The following IQCK variants were observed in gnomAD, a reference collection of about 807,000 sequenced individuals.
IQCK encodes the protein IQ motif containing K, also known as IQ domain-containing protein K.
Under a neutral mutation model 28.1 loss-of-function variants are expected in IQCK, and 29 were observed. The ratio of observed to expected loss-of-function variants is 1.03; its 90% confidence interval spans 0.77 to 1.41. The LOEUF (loss-of-function observed/expected upper bound fraction) is 1.41, where lower values mean the gene tolerates loss of function less well. IQCK is among the 40% of genes most tolerant of loss of function. IQCK has a pLI of 0.00. For missense variants in IQCK, 359 were observed against 314.7 expected (o/e 1.14, Z -1.07); for synonymous variants, 113 against 115.1 (o/e 0.98, Z 0.12).
At chr16:19,767,526 G>A (rs143387974) in intron 6 of IQCK, among the ~76,000 whole-genome samples, 6 of 152,172 alleles carry the variant, frequency 3.9e-5, no homozygotes, top group Non-Finnish European at 5.9e-5. Context: ...TGTGCCTGCC[G>A]TGTGCTCTTC....
chr16:19,820,276 G>A (rs2056052253), intron 7 of IQCK, among the ~76,000 whole-genome samples: 1 of 152,180 alleles, frequency 6.6e-6, no homozygotes, highest in Non-Finnish European at 1.5e-5. Flanking sequence ...TAGCACTTTG[G>A]GAGATCAAGG....
intron 9 of IQCK, among the ~76,000 whole-genome samples, chr16:19,850,784 G>C (rs978958653): frequency 2.0e-5 from 3 of 152,168 alleles, no homozygotes; most frequent in Non-Finnish European, 4.4e-5. Context: ...GGAGGCTGAG[G>C]CAGGAGGACT....
intron 4 of IQCK, among the ~76,000 whole-genome samples, chr16:19,741,024 G>A (rs1281135209): frequency 1.3e-5 from 2 of 151,446 alleles, no homozygotes; most frequent in African/African-American, 2.4e-5. Context: ...AGTCGCCCAT[G>A]TTTGGTTCTG....
At chr16:19,851,737 A>C (rs2056485734) in intron 9 of IQCK, among the ~76,000 whole-genome samples, 1 of 152,188 alleles carries the variant, frequency 6.6e-6, no homozygotes, top group South Asian at 2.1e-4. Flanking sequence ...AGGACAGCAT[A>C]GGGGTGCCGA....
At chr16:19,767,796 C>T (rs1207826152) in intron 6 of IQCK, among the ~76,000 whole-genome samples, 1 of 152,054 alleles carries the variant, frequency 6.6e-6, no homozygotes, top group Non-Finnish European at 1.5e-5. Context: ...AGCACTTCCC[C>T]TACCCCCTTC....
rs148349539 is a variant in IQCK at position 19,812,842 on chromosome 16, TA to T, written c.691-14183del. 9.0e-3 allele frequency among the ~76,000 whole-genome samples: 1,363 copies of T among 151,864 alleles called. 13 individuals are homozygous for T. The highest frequency in any genetic ancestry group is 0.054 in the Middle Eastern group (16 of 294). On this transcript the variant is annotated intron_variant, in intron 7 of 7. Transcript: ENST00000564186. ...AAAGGCAATTCATTGCAGAAAAAGG[TA>T]GGGGGGGAAATTCAGATTTGAAAAA...
At chr16:19,774,400 T>C in intron 6 of IQCK, among the ~76,000 whole-genome samples, 1 of 92,342 alleles carries the variant, frequency 1.1e-5, no homozygotes, top group African/African-American at 7.5e-5. Context: ...AGCTAATACT[T>C]TTTTTTTTTT....
At chr16:19,827,119 G>A (rs1235305409) in exon 8 of IQCK, 3 of 1,613,250 alleles carry the variant, frequency 1.9e-6, no homozygotes, top group Non-Finnish European at 1.7e-6. Flanking sequence ...AATTTTCTGG[G>A]CCAAGCAAGA....
chr16:19,844,597 G>A (rs1198702347), intron 9 of IQCK, among the ~76,000 whole-genome samples: 2 of 152,214 alleles, frequency 1.3e-5, no homozygotes, highest in Non-Finnish European at 2.9e-5. Context: ...AGCTTTGTTT[G>A]TAGATAAATG....
At chr16:19,851,626 G>A (rs1480260495) in intron 9 of IQCK, among the ~76,000 whole-genome samples, 1 of 152,070 alleles carries the variant, frequency 6.6e-6, no homozygotes, top group African/African-American at 2.4e-5. Flanking sequence ...TTGTCACATT[G>A]CCTTTAATTG....
chr16:19,763,442 A>C (rs1242281158), intron 4 of IQCK, among the ~76,000 whole-genome samples: 1 of 151,750 alleles, frequency 6.6e-6, no homozygotes, highest in African/African-American at 2.4e-5. Flanking sequence ...CTTGGTGTTA[A>C]GTTTCTTTTG....
At chr16:19,807,990 GT>G (rs1297256054) in intron 7 of IQCK, among the ~76,000 whole-genome samples, 1 of 151,184 alleles carries the variant, frequency 6.6e-6, no homozygotes, top group Non-Finnish European at 1.5e-5. Flanking sequence ...ATCCTGTTTT[GT>G]TTTTTTTAAA....
intron 9 of IQCK, among the ~76,000 whole-genome samples, chr16:19,844,868 G>T (rs973899196): frequency 6.6e-6 from 1 of 152,112 alleles, no homozygotes; most frequent in African/African-American, 2.4e-5. Flanking sequence ...TAGCACAGTG[G>T]CACAATCTTG....
At chr16:19,819,837 C>A (rs2056041897) in intron 7 of IQCK, among the ~76,000 whole-genome samples, 1 of 151,782 alleles carries the variant, frequency 6.6e-6, no homozygotes, top group Non-Finnish European at 1.5e-5. Flanking sequence ...TACGGTGAAA[C>A]TCTGTCTCTA....
chr16:19,852,356 G>A, intron 9 of IQCK, among the ~76,000 whole-genome samples: 1 of 152,006 alleles, frequency 6.6e-6, no homozygotes, highest in Non-Finnish European at 1.5e-5. Context: ...AGCTATGATC[G>A]CACCACTGCA....
At chr16:19,828,395 G>A (rs1184117764), downstream of IQCK, among the ~76,000 whole-genome samples, 3 of 148,888 alleles carry the variant, frequency 2.0e-5, no homozygotes, top group East Asian at 4.2e-4. Context: ...CACCATGCCC[G>A]GCTAATTTTT....
At chr16:19,757,995 C>T (rs1053205925) in intron 4 of IQCK, among the ~76,000 whole-genome samples, 1 of 152,124 alleles carries the variant, frequency 6.6e-6, no homozygotes, top group Non-Finnish European at 1.5e-5. Context: ...AGTCTTTTTC[C>T]TTTTAATTAT....
chr16:19,761,904 C>T (rs2055151196), intron 4 of IQCK: 2 of 155,266 alleles, frequency 1.3e-5, no homozygotes, highest in African/African-American at 4.8e-5. Flanking sequence ...TTAAGGAAGT[C>T]AGCAAAGACA....
At chr16:19,857,360 C>T in exon 10 of IQCK, 1 of 405,228 alleles carries the variant, frequency 2.5e-6, no homozygotes. Context: ...ACCTATCTGC[C>T]CATGGTTTAC....
Sources: allele counts gnomAD v4.1 joint callset (sites outside exome capture counted in the v4.1 genomes callset), GRCh38; gene constraint gnomAD v4.1.1; transcripts MANE v1.5; gene names NCBI Gene and HGNC (gene_info 2026-07-23, HGNC 2026-07-21).